Variants in CREB3L1 observed in about 807,000 individuals in gnomAD.
CREB3L1 encodes cyclic AMP-responsive element-binding protein 3-like protein 1.
Under a neutral mutation model 54.5 loss-of-function variants are expected in CREB3L1, and 33 were observed. That is an observed-to-expected ratio of 0.61 (90% confidence interval 0.46 to 0.81). CREB3L1 has a LOEUF of 0.81. Ranked by LOEUF, CREB3L1 falls within the 30% of genes least tolerant of loss-of-function variation. The pLI, the probability that CREB3L1 is intolerant of heterozygous loss-of-function variation, is 0.00. For synonymous variants in CREB3L1, 284 were observed against 286.4 expected (o/e 0.99, Z 0.08); for missense variants, 656 against 673.3 (o/e 0.97, Z 0.29).
At chr11:46,294,700 G>A (rs1417425452) in intron 1 of CREB3L1, among the ~76,000 whole-genome samples, 1 of 152,138 alleles carries the variant, frequency 6.6e-6, no homozygotes, top group Non-Finnish European at 1.5e-5. Flanking sequence ...GACTCAAGGG[G>A]CCCACCTCCT....
chr11:46,305,974 T>C (rs987022537), intron 2 of CREB3L1, among the ~76,000 whole-genome samples: 10 of 151,932 alleles, frequency 6.6e-5, no homozygotes, highest in Non-Finnish European at 1.5e-4. Context: ...CCTGACCTCA[T>C]GATCCGCCCG....
chr11:46,313,066 C>T (rs1939515727), intron 8 of CREB3L1, 147 bp downstream of exon 8: 1 of 621,698 alleles, frequency 1.6e-6, no homozygotes, highest in Non-Finnish European at 2.8e-6. Context: ...CAGCCTTGGG[C>T]CACTTACATC....
At chr11:46,318,967 C>T (rs546803122) in intron 10 of CREB3L1, among the ~76,000 whole-genome samples, 6 of 152,136 alleles carry the variant, frequency 3.9e-5, no homozygotes, top group African/African-American at 9.6e-5. Context: ...GAGGAGAGAA[C>T]GGGGTGGTCA....
At chr11:46,299,398 C>A (rs910314422) in intron 1 of CREB3L1, among the ~76,000 whole-genome samples, 1 of 152,152 alleles carries the variant, frequency 6.6e-6, no homozygotes. Flanking sequence ...AGACTGGAGG[C>A]CTCAAGAATC....
chr11:46,312,862 T>A lies in CREB3L1; in HGVS notation c.974T>A (p.Phe325Tyr). 1.9e-6 allele frequency: 3 copies of A among 1,592,414 alleles called. No homozygotes were observed. The highest frequency in any genetic ancestry group is 2.6e-6 in the Non-Finnish European group (3 of 1,169,576). ...VECLEKKVET[F>Y]TSENNELWKK... ...CTTGGCCCCTACAGGGTGGAGACATTTACATCTGAGAACAATGAACTGTGG... is the reference window on the plus strand; with the variant it reads ...CTTGGCCCCTACAGGGTGGAGACATATACATCTGAGAACAATGAACTGTGG... The change falls in exon 8 of 12, where the codon TTT becomes TAT. Residue 325 changes from phenylalanine to tyrosine, a missense_variant. Around this residue, in one of 3 missense-constraint regions of CREB3L1, gnomAD observed 77 missense variants for 122.0 expected, o/e 0.63. Coordinates refer to ENST00000621158, the MANE Select transcript of CREB3L1 (RefSeq NM_052854.4).
In CREB3L1 at chr11:46,316,273, G is replaced by A; in HGVS notation, c.1032-13G>A. On this transcript the variant is annotated splice_polypyrimidine_tract_variant and intron_variant, in intron 8 of 11. Transcript: ENST00000621158. ...GGTCAAAGCCTGCCAGCTGACTGCT[G>A]TGCCCTCCTCAGGACCCTGCTCCAG... 1.3e-6 allele frequency: 2 copies of A among 1,530,106 alleles called. No individual in the cohort carries two copies. The highest frequency in any genetic ancestry group is 8.9e-7 in the Non-Finnish European group (1 of 1,126,404). The allele number at this position is 1,530,106 out of a possible 1,614,324, so 94.8% of individuals were successfully genotyped here.
chr11:46,302,790 G>A (rs1011194628), intron 2 of CREB3L1, among the ~76,000 whole-genome samples: 20 of 152,090 alleles, frequency 1.3e-4, no homozygotes, highest in Non-Finnish European at 2.1e-4. Context: ...AAACCTGCCC[G>A]ACCAACATGG....
intron 8 of CREB3L1, chr11:46,315,528 AAC>A (rs1939554957): frequency 5.0e-6 from 1 of 201,136 alleles, no homozygotes; most frequent in East Asian, 7.6e-5. Context: ...GATAAAAGCA[AAC>A]ACAGCAATAA....
At chr11:46,283,091 TGAG>T (rs1351752545) in intron 1 of CREB3L1, among the ~76,000 whole-genome samples, 1 of 151,900 alleles carries the variant, frequency 6.6e-6, no homozygotes, top group Non-Finnish European at 1.5e-5. Flanking sequence ...CTTAGGAGGC[TGAG>T]GAGGGAGGAT....
chr11:46,319,811 G>A (rs531738377), intron 10 of CREB3L1, among the ~76,000 whole-genome samples: 18 of 151,914 alleles, frequency 1.2e-4, no homozygotes, highest in African/African-American at 2.9e-4. Context: ...CTCGGGAGGC[G>A]GAGATTGCAG....
At chr11:46,308,560 C>T (rs1342961418) in intron 3 of CREB3L1, among the ~76,000 whole-genome samples, 1 of 152,250 alleles carries the variant, frequency 6.6e-6, no homozygotes, top group East Asian at 1.9e-4. Flanking sequence ...AGCCGAGGTC[C>T]TGCCTGAGTC....
At chr11:46,288,099 T>C (rs1939081788) in intron 1 of CREB3L1, among the ~76,000 whole-genome samples, 1 of 152,164 alleles carries the variant, frequency 6.6e-6, no homozygotes, top group African/African-American at 2.4e-5. Flanking sequence ...TCATTTATTT[T>C]TGAGATGGAG....
At chr11:46,305,058 C>T (rs2136348987) in intron 2 of CREB3L1, among the ~76,000 whole-genome samples, 1 of 152,276 alleles carries the variant, frequency 6.6e-6, no homozygotes, top group South Asian at 2.1e-4. Context: ...CCACTACTGC[C>T]TCTCCCCGAC....
intron 2 of CREB3L1, among the ~76,000 whole-genome samples, chr11:46,306,881 T>TC (rs1398311287): frequency 1.4e-5 from 2 of 148,116 alleles, no homozygotes; most frequent in African/African-American, 4.9e-5. Context: ...TTCTCTCTCT[T>TC]TTTTTTTTTT....
At chr11:46,300,249 C>T in intron 2 of CREB3L1, 86 bp downstream of exon 2, 1 of 1,017,016 alleles carries the variant, frequency 9.8e-7, no homozygotes, top group Non-Finnish European at 1.5e-6. Flanking sequence ...AGTGTGCCTG[C>T]AGCCTGAGAC....
rs868810864 is a variant in CREB3L1, at chr11:46,277,950, C to T, written c.-162C>T. 88 of 410,394 alleles carry T rather than the reference C, an allele frequency of 2.1e-4. No individual in the cohort carries two copies. The highest frequency in any genetic ancestry group is 1.3e-3 in the African/African-American group (63 of 48,356). The allele number at this position is 410,394 out of a possible 1,614,324, so 25.4% of individuals were successfully genotyped here. On this transcript the variant is annotated 5_prime_UTR_variant, in exon 1 of 12. Coordinates refer to ENST00000621158, the MANE Select transcript of CREB3L1 (RefSeq NM_052854.4). ...AGGCCCCCGCGCGCCCCGCGCCCCC[C>T]ACCCGGGGCCGCGCCGCCTCCGTCC...
At chr11:46,304,011 GA>G (rs376715541) in intron 2 of CREB3L1, among the ~76,000 whole-genome samples, 119 of 151,802 alleles carry the variant, frequency 7.8e-4, no homozygotes, top group Middle Eastern at 3.4e-3. Flanking sequence ...GTCTCAAAAA[GA>G]AAAAAAATAA....
rs1235028298 is a variant in CREB3L1, at chr11:46,278,496, C to A, written c.102+283C>A. 6.6e-6 allele frequency among the ~76,000 whole-genome samples: 1 copy of A among 152,244 alleles called. No homozygotes were observed. The highest frequency in any genetic ancestry group is 1.5e-5 in the Non-Finnish European group (1 of 68,030). ...CAAGAGACACCAATCCCGCCCTCCA[C>A]CCACGTCTTCTAGCCGTCCCCAACC... On this transcript the variant is annotated intron_variant, in intron 1 of 11. Coordinates refer to ENST00000621158, the MANE Select transcript of CREB3L1 (RefSeq NM_052854.4). The surrounding 1 kb of genome is among the most constrained non-coding windows in gnomAD (Gnocchi z 4.2).
rs1402124962 is a variant in CREB3L1 at position 46,312,468 on chromosome 11, G to A, written c.897G>A (p.Lys299=). Residue 299 remains lysine, a synonymous_variant, in exon 6 of 12, where the codon AAG becomes AAA. Coordinates refer to ENST00000621158, the MANE Select transcript of CREB3L1 (RefSeq NM_052854.4). ...KALKRVRRKI[K]NKISAQESRR... is the part of the protein sequence containing the mutation. ...TGAAGAGAGTCCGGAGGAAAATCAA[G>A]AACAAGGTAAAGCCTGCCACCCTGG... 1 of 1,613,484 alleles carries A rather than the reference G, an allele frequency of 6.2e-7. No homozygotes were observed. The highest frequency in any genetic ancestry group is 1.7e-5 in the Admixed American group (1 of 59,902).
Sources: gnomAD v4.1 joint callset for allele counts (sites outside exome capture counted in the v4.1 genomes callset) on GRCh38, gnomAD v4.1.1 for gene constraint, gnomAD v4.1.1 regional missense constraint, Gnocchi (gnomAD v3.1) non-coding constraint, MANE v1.5 for transcripts, NCBI Gene and HGNC (gene_info 2026-07-23, HGNC 2026-07-21) for gene names.